PIAS4: variants seen among roughly 807,000 people sequenced by gnomAD.
PIAS4 encodes the protein protein inhibitor of activated STAT 4.
PIAS4 carries 7 observed loss-of-function variants against 58.0 expected under a neutral mutation model. The observed-to-expected ratio is 0.12, with a 90% CI of 0.07 to 0.23. The LOEUF (loss-of-function observed/expected upper bound fraction) is 0.23, where lower values mean the gene tolerates loss of function less well. Ranked by LOEUF, PIAS4 falls within the 10% of genes least tolerant of loss-of-function variation. The pLI, the probability that PIAS4 is intolerant of heterozygous loss-of-function variation, is 1.00. For synonymous variants in PIAS4, 364 were observed against 312.4 expected, an observed-to-expected ratio of 1.17 and a Z score of -1.74; for missense variants, 550 against 709.5, an observed-to-expected ratio of 0.78 and a Z score of 2.55.
intron 8 of PIAS4, 123 bp downstream of exon 8, chr19:4,033,296 C>T: frequency 7.5e-7 from 1 of 1,335,790 alleles, no homozygotes; most frequent in African/African-American, 1.4e-5. Flanking sequence ...TGGTCTTCGT[C>T]CCCTCCGTGT....
chr19:4,033,668 C>A (rs2040247108), intron 9 of PIAS4, 88 bp downstream of exon 9: 2 of 1,158,032 alleles, frequency 1.7e-6, no homozygotes, highest in Admixed American at 4.6e-5. Flanking sequence ...CCACATGGTG[C>A]CCCAGCAAGA....
rs1330483863 is a variant in PIAS4, at chr19:4,033,415, C to A, written c.982-5C>A. 1.9e-6 allele frequency: 3 copies of A among 1,549,668 alleles called. No individual in the cohort carries two copies. Among genetic ancestry groups the A allele is most frequent in the South Asian group, 1.2e-5 (1 of 84,472 alleles). On this transcript the variant is annotated splice_polypyrimidine_tract_variant and splice_region_variant and intron_variant, in intron 8 of 10. Coordinates refer to ENST00000262971, the MANE Select transcript of PIAS4 (RefSeq NM_015897.4). ...TGCCCTGCTCACGCAGCCCCTCCCC[C>A]ACAGCTGGTGAAGATGCGGCTCTCC... is the stretch of plus-strand genomic sequence containing the variant.
In PIAS4 at chr19:4,032,745, C is replaced by T. The variant is rs530527989; in HGVS notation, c.908-355C>T. Among the ~76,000 whole-genome samples, 138 of 152,302 alleles carry T rather than the reference C, an allele frequency of 9.1e-4. 2 individuals are homozygous for T. Among genetic ancestry groups the T allele is most frequent in the South Asian group, 2.1e-3 (10 of 4,830 alleles). The stretch of plus-strand genomic sequence containing the variant: ...CGCTGTGGCCTTGGGGATGGTGCTT[C>T]GGTGACAGAATGAAGTCACAGCAAT... On this transcript the variant is annotated intron_variant, in intron 7 of 10. Transcript: ENST00000262971.
Position 4,013,438 on chromosome 19 carries a change from T to G in PIAS4, c.454+89T>G. 8.3e-7 allele frequency: 1 copy of G among 1,202,954 alleles called. No individual in the cohort carries two copies. Among genetic ancestry groups the G allele is most frequent in the South Asian group, 1.4e-5 (1 of 72,326 alleles). The allele number at this position is 1,202,954 out of a possible 1,614,324, so 74.5% of individuals were successfully genotyped here. ...GCCCAGCCACACAGCCGACTTCGAG[T>G]GATGTTCTCTGTGGCGCAGCCAGGG... On this transcript the variant is annotated intron_variant, in intron 2 of 10. Transcript: ENST00000262971. The surrounding 1 kb of genome is among the most constrained non-coding windows in gnomAD (Gnocchi z 5.1).
Position 4,037,451 on chromosome 19 carries a change from T to C in PIAS4, c.1220T>C (p.Ile407Thr). The stretch of plus-strand genomic sequence containing the variant: ...CTGGTGGACGGCTCGTGGTGCCCGA[T>C]CCGCGCCGAAAAGGAGCGCAGCTGC... ...EYLVDGSWCP[I>T]RAEKERSCSP... The change falls in exon 10 of 11, where the codon ATC (isoleucine) becomes ACC (threonine). Residue 407 changes from isoleucine to threonine, a missense_variant. Ile to Thr is a moderately conservative substitution (Grantham distance 89, BLOSUM62 -1). This residue lies in a region of PIAS4 where 188 missense variants were observed against 192.0 expected (regional missense o/e 0.98). Transcript: ENST00000262971. This position sits in a 1 kb window ranked among gnomAD's most constrained non-coding sequence, Gnocchi z 5.8. 5 of 1,611,682 alleles carry C rather than the reference T, an allele frequency of 3.1e-6. No homozygotes were observed. The highest frequency in any genetic ancestry group is 4.2e-6 in the Non-Finnish European group (5 of 1,179,524).
At chr19:4,021,409 T>C (rs1348172479) in intron 2 of PIAS4, among the ~76,000 whole-genome samples, 2 of 151,998 alleles carry the variant, frequency 1.3e-5, no homozygotes, top group Non-Finnish European at 2.9e-5. Context: ...GCCTCCACAG[T>C]GCTGGGATTC....
rs778078145 is a variant in PIAS4 at position 4,037,549 on chromosome 19, G to A, written c.1273+45G>A. On this transcript the variant is annotated intron_variant, in intron 10 of 10. Transcript: ENST00000262971. This position sits in a 1 kb window ranked among gnomAD's most constrained non-coding sequence, Gnocchi z 5.8. ...AGCCGCGCAGTCCGCAGCCAGGGCC[G>A]CCTCAGTTTCCCCATTTATCAGTGG... 4.4e-6 allele frequency: 7 copies of A among 1,607,322 alleles called. No individual in the cohort carries two copies. The highest frequency in any genetic ancestry group is 1.1e-5 in the South Asian group (1 of 91,074).
intron 3 of PIAS4, among the ~76,000 whole-genome samples, chr19:4,026,537 C>T (rs1261944910): frequency 6.7e-6 from 1 of 148,802 alleles, no homozygotes; most frequent in East Asian, 2.0e-4. Context: ...TATCGCAGCT[C>T]CCACCACTGC....
chr19:4,033,720 C>G (rs1545347), intron 9 of PIAS4, 140 bp downstream of exon 9: 1 of 705,816 alleles, frequency 1.4e-6, no homozygotes, highest in Non-Finnish European at 2.3e-6. Context: ...TTGGAAACCC[C>G]GGGCTGCGAA....
intron 1 of PIAS4, among the ~76,000 whole-genome samples, chr19:4,009,412 A>G (rs951154681): frequency 6.6e-6 from 1 of 152,080 alleles, no homozygotes; most frequent in African/African-American, 2.4e-5. Context: ...AGTGTCCTGG[A>G]GTCCTGAAAT....
Position 4,037,545 on chromosome 19 carries a change from G to A in PIAS4, c.1273+41G>A. On this transcript the variant is annotated intron_variant, in intron 10 of 10. Coordinates refer to ENST00000262971, the MANE Select transcript of PIAS4 (RefSeq NM_015897.4). This position sits in a 1 kb window ranked among gnomAD's most constrained non-coding sequence, Gnocchi z 5.8. Reference sequence around the variant, plus strand: ...CACCAGCCGCGCAGTCCGCAGCCAGGGCCGCCTCAGTTTCCCCATTTATCA... The same window carrying A: ...CACCAGCCGCGCAGTCCGCAGCCAGAGCCGCCTCAGTTTCCCCATTTATCA... 1 of 1,607,654 alleles carries A rather than the reference G, an allele frequency of 6.2e-7. No homozygotes were observed. The highest frequency in any genetic ancestry group is 8.5e-7 in the Non-Finnish European group (1 of 1,179,708).
At chr19:4,025,602 G>C (rs939063079) in intron 3 of PIAS4, among the ~76,000 whole-genome samples, 3 of 152,166 alleles carry the variant, frequency 2.0e-5, no homozygotes. Flanking sequence ...CACCTAGTAA[G>C]GGTTCAGATC....
chr19:4,038,082 C>T lies in PIAS4; in HGVS notation c.*207C>T. 1 of 551,434 alleles carries T rather than the reference C, an allele frequency of 1.8e-6. No homozygotes were observed. Among genetic ancestry groups the T allele is most frequent in the Non-Finnish European group, 3.1e-6 (1 of 325,444 alleles). The allele number at this position is 551,434 out of a possible 1,614,324, so 34.2% of individuals were successfully genotyped here. On this transcript the variant is annotated 3_prime_UTR_variant, in exon 11 of 11. Coordinates refer to ENST00000262971, the MANE Select transcript of PIAS4 (RefSeq NM_015897.4). This position sits in a 1 kb window ranked among gnomAD's most constrained non-coding sequence, Gnocchi z 4.1. ...AAAAGTAAAATGACAAAAAAAGATA[C>T]AAAAAAGAAAAATGAAACAAAAAAG...
rs553089341 is a variant in PIAS4, at chr19:4,037,961, C to G, written c.*86C>G. 3 of 1,382,710 alleles carry G rather than the reference C, an allele frequency of 2.2e-6. No homozygotes were observed. Among genetic ancestry groups the G allele is most frequent in the Non-Finnish European group, 2.9e-6 (3 of 1,033,820 alleles). The allele number at this position is 1,382,710 out of a possible 1,614,324, so 85.7% of individuals were successfully genotyped here. A position where few individuals can be genotyped will look rare whatever the true frequency, so the allele number is the denominator to read the frequency against. On this transcript the variant is annotated 3_prime_UTR_variant, in exon 11 of 11. Transcript: ENST00000262971. The surrounding 1 kb of genome is among the most constrained non-coding windows in gnomAD (Gnocchi z 5.8). ...GGGCGCAGAGGGAGGAGTGACCTTT[C>G]TTTTTCTTTTTATTGTCGTTCGTTT...
chr19:4,028,388 C>T, intron 4 of PIAS4, 122 bp from the exon 5 acceptor site: 4 of 826,726 alleles, frequency 4.8e-6, no homozygotes, highest in Non-Finnish European at 5.9e-6. Context: ...CCTGATACCC[C>T]CCGTGTCACA....
At chr19:4,016,607 A>C (rs1438642770) in intron 2 of PIAS4, among the ~76,000 whole-genome samples, 1 of 152,198 alleles carries the variant, frequency 6.6e-6, no homozygotes, top group Admixed American at 6.5e-5. Flanking sequence ...AGCAGGAGCC[A>C]TTTACTCTAC....
intron 9 of PIAS4, among the ~76,000 whole-genome samples, chr19:4,036,740 C>T (rs2040297657): frequency 6.6e-6 from 1 of 151,728 alleles, no homozygotes; most frequent in Non-Finnish European, 1.5e-5. Flanking sequence ...CACACCATCA[C>T]ATGCACACAC....
At position 4,029,355 on chromosome 19, in the gene PIAS4, G is replaced by T. The variant is rs1038868765; in HGVS notation, c.907+319G>T. Among the ~76,000 whole-genome samples the T allele has an allele frequency of 2.6e-5, 4 of 152,292 alleles. No individual in the cohort carries two copies. The East Asian group carries it at 7.7e-4, about 29-fold the overall frequency. On this transcript the variant is annotated intron_variant, in intron 7 of 10. Transcript: ENST00000262971. ...CTCATTCCGGGACAGCACAGAGGCC[G>T]GGAGGGGTGAGAGGAGCACAGAGGG...
chr19:4,038,042 C>G lies in PIAS4; in HGVS notation c.*167C>G. The G allele has an allele frequency of 1.8e-6, 1 of 544,086 alleles. No homozygotes were observed. The highest frequency in any genetic ancestry group is 3.0e-6 in the Non-Finnish European group (1 of 327,932). The allele number at this position is 544,086 out of a possible 1,614,324, so 33.7% of individuals were successfully genotyped here. ...CACCTGTACCTCTGGACTCTCCTAT[C>G]GGGGGATTAAAAAAAAAAGTAAAAT... On this transcript the variant is annotated 3_prime_UTR_variant, in exon 11 of 11. Transcript: ENST00000262971. The surrounding 1 kb of genome is among the most constrained non-coding windows in gnomAD (Gnocchi z 4.1).
Sources: gnomAD v4.1 joint callset for allele counts (sites outside exome capture counted in the v4.1 genomes callset) on GRCh38, gnomAD v4.1.1 for gene constraint, gnomAD v4.1.1 regional missense constraint, Gnocchi (gnomAD v3.1) non-coding constraint, MANE v1.5 for transcripts, NCBI Gene and HGNC (gene_info 2026-07-23, HGNC 2026-07-21) for gene names.